Variants in ICAM5 observed in about 807,000 individuals in gnomAD.
ICAM5 encodes the protein intercellular adhesion molecule 5.
Under a neutral mutation model 78.8 loss-of-function variants are expected in ICAM5, and 38 were observed. The observed-to-expected ratio is 0.48, with a 90% CI of 0.37 to 0.63. The LOEUF (loss-of-function observed/expected upper bound fraction) is 0.63, where lower values mean the gene tolerates loss of function less well. Ranked by LOEUF, ICAM5 falls within the 30% of genes least tolerant of loss-of-function variation. The pLI, the probability that ICAM5 is intolerant of heterozygous loss-of-function variation, is 0.00. For missense variants in ICAM5, 1,059 were observed against 1,303.0 expected (o/e 0.81, Z 2.88); for synonymous variants, 544 against 590.9 (o/e 0.92, Z 1.15).
At position 10,291,761 on chromosome 19, in the gene ICAM5, C is replaced by G; in HGVS notation, c.625C>G (p.Leu209Val). The stretch of plus-strand genomic sequence containing the variant: ...CGAGCTGGACCTGCGGCCGCACGGA[C>G]TGGGACTGTTTGAAAACAGCTCGGC... The part of the protein sequence containing the change: ...RAELDLRPHG[L>V]GLFENSSAPR... The change falls in exon 3 of 11, where the codon CTG (leucine) becomes GTG (valine). Residue 209 changes from leucine to valine, a missense_variant. By Grantham distance (32) the Leu-to-Val change is conservative. Around this residue, in one of 3 missense-constraint regions of ICAM5, gnomAD observed 815 missense variants for 952.8 expected, o/e 0.86. Transcript: ENST00000221980. The G allele has an allele frequency of 6.2e-7, 1 of 1,612,580 alleles. No homozygotes were observed. Among genetic ancestry groups the G allele is most frequent in the Middle Eastern group, 1.7e-4 (1 of 6,056 alleles).
chr19:10,291,704 G>C lies in ICAM5; in HGVS notation c.568G>C (p.Glu190Gln). Residue 190 changes from glutamate (E) to glutamine (Q), a missense_variant, in exon 3 of 11, where the codon GAG becomes CAG. By Grantham distance (29) the Glu-to-Gln change is conservative (BLOSUM62 2). This residue lies in a region of ICAM5 where 815 missense variants were observed against 952.8 expected (regional missense o/e 0.86). Coordinates refer to ENST00000221980, the MANE Select transcript of ICAM5 (RefSeq NM_003259.4). Reference sequence around the variant, plus strand: ...CACAGCCACGGTACTGGCTCGGAGGGAGGACCATGGAGCCAATTTCTCGTG... The same window carrying C: ...CACAGCCACGGTACTGGCTCGGAGGCAGGACCATGGAGCCAATTTCTCGTG... ...VLTATVLARR[E>Q]DHGANFSCRA... 1.2e-6 allele frequency: 2 copies of C among 1,612,678 alleles called. No individual in the cohort carries two copies. The highest frequency in any genetic ancestry group is 1.7e-6 in the Non-Finnish European group (2 of 1,179,976).
Position 10,295,434 on chromosome 19 carries a change from C to G in ICAM5, c.2319C>G (p.Ala773=), listed in dbSNP as rs576101932. ...GNFTLTCRAE[A]WPPAQISWRA... is the part of the protein sequence containing the mutation. Reference sequence around the variant, plus strand: ...TCACGTTGACCTGCCGCGCGGAGGCCTGGCCTCCAGCCCAGATCAGCTGGC... The same window carrying G: ...TCACGTTGACCTGCCGCGCGGAGGCGTGGCCTCCAGCCCAGATCAGCTGGC... The change falls in exon 10 of 11, where the codon GCC becomes GCG. Residue 773 remains alanine (A), a synonymous_variant. Transcript: ENST00000221980. The G allele has an allele frequency of 1.1e-4, 177 of 1,608,634 alleles. 2 individuals are homozygous for G. Among genetic ancestry groups the G allele is most frequent in the South Asian group, 9.7e-4 (88 of 90,854 alleles).
intron 4 of ICAM5, 120 bp downstream of exon 4, chr19:10,292,442 TG>T (rs978543006): frequency 8.2e-6 from 11 of 1,337,942 alleles, no homozygotes; most frequent in African/African-American, 1.5e-5. Flanking sequence ...GCGGGGCAGG[TG>T]GGGGCGGAGA....
chr19:10,292,499 C>A, intron 4 of ICAM5, 113 bp from the exon 5 acceptor site: 2 of 1,423,562 alleles, frequency 1.4e-6, no homozygotes, highest in Non-Finnish European at 1.9e-6. Flanking sequence ...AGAGGCGGGG[C>A]GCCGTACCCT....
At chr19:10,292,433 C>A in intron 4 of ICAM5, 111 bp downstream of exon 4, 1 of 1,270,770 alleles carries the variant, frequency 7.9e-7, no homozygotes, top group Non-Finnish European at 1.1e-6. Flanking sequence ...GCCCGAGGGG[C>A]GGGGCAGGTG....
In ICAM5 at chr19:10,296,674, A is replaced by T; in HGVS notation, c.*58A>T. 2 of 1,179,400 alleles carry T rather than the reference A, an allele frequency of 1.7e-6. No individual in the cohort carries two copies. The highest frequency in any genetic ancestry group is 2.1e-6 in the Non-Finnish European group (2 of 950,266). 73.1% of individuals were successfully genotyped at this position (1,179,400 alleles called of 1,614,324 possible). On this transcript the variant is annotated 3_prime_UTR_variant, in exon 11 of 11. Transcript: ENST00000221980. ...GCCCCCCAGACTCACACGGGGGCTT[A>T]TTTATTGCTTTATTTATTTACTTAT...
In ICAM5 at chr19:10,294,002, C is replaced by T. The variant is rs1404251349; in HGVS notation, c.1712-38C>T. ...TGTGGGACAACCCCGGCTGGACTTC[C>T]TGGCCCCCGTGTGAGCCCCTGCAAT... On this transcript the variant is annotated intron_variant, in intron 7 of 10. Coordinates refer to ENST00000221980, the MANE Select transcript of ICAM5 (RefSeq NM_003259.4). The surrounding 1 kb of genome is among the most constrained non-coding windows in gnomAD (Gnocchi z 7.7). The T allele has an allele frequency of 6.3e-7, 1 of 1,593,084 alleles. No individual in the cohort carries two copies. The highest frequency in any genetic ancestry group is 1.7e-5 in the Admixed American group (1 of 58,934).
chr19:10,291,172 G>A lies in ICAM5; in HGVS notation c.183G>A (p.Arg61=). 1 of 1,612,286 alleles carries A rather than the reference G, an allele frequency of 6.2e-7. No individual in the cohort carries two copies. The change falls in exon 2 of 11, where the codon CGG becomes CGA. Residue 61 remains arginine (R), a synonymous_variant. Coordinates refer to ENST00000221980, the MANE Select transcript of ICAM5 (RefSeq NM_003259.4). ...TGAATTGCAGCACCAACTGCCCTCG[G>A]CCGGAGCGCGGTGGCCTGGAGACCT... ...LWLNCSTNCP[R]PERGGLETSL... is the part of the protein sequence containing the mutation.
At chr19:10,296,278 G>A (rs1851350449) in intron 10 of ICAM5, 61 bp from the exon 11 acceptor site, 4 of 1,222,996 alleles carry the variant, frequency 3.3e-6, no homozygotes, top group East Asian at 3.2e-5. Context: ...GGGAGTGCGG[G>A]GGGCGGTGGG....
In ICAM5 at chr19:10,289,963, G is replaced by C; in HGVS notation, c.-81G>C. 1 of 925,328 alleles carries C rather than the reference G, an allele frequency of 1.1e-6. No homozygotes were observed. The highest frequency in any genetic ancestry group is 1.8e-5 in the South Asian group (1 of 55,374). 57.3% of individuals were successfully genotyped at this position (925,328 alleles called of 1,614,324 possible). A position where few individuals can be genotyped will look rare whatever the true frequency, so the allele number is the denominator to read the frequency against. On this transcript the variant is annotated 5_prime_UTR_variant, in exon 1 of 11. Transcript: ENST00000221980. ...ACTCTGCCTCCCCCACACCCCACCC[G>C]CCGCGCCGCGCGGAGCCGTCCTCTA... is the stretch of plus-strand genomic sequence containing the variant.
rs771249059 is a variant in ICAM5, at chr19:10,293,691, C to T, written c.1466-7C>T. 3.1e-6 allele frequency: 5 copies of T among 1,611,934 alleles called. No individual in the cohort carries two copies. The highest frequency in any genetic ancestry group is 4.2e-6 in the Non-Finnish European group (5 of 1,178,668). ...CCCCAAAGCCAACAATACACTCCCT[C>T]CTCCAGACGCACCAGCGCTGGACAG... On this transcript the variant is annotated splice_polypyrimidine_tract_variant and splice_region_variant and intron_variant, in intron 6 of 10. Coordinates refer to ENST00000221980, the MANE Select transcript of ICAM5 (RefSeq NM_003259.4). This position sits in a 1 kb window ranked among gnomAD's most constrained non-coding sequence, Gnocchi z 5.0.
intron 3 of ICAM5, 41 bp downstream of exon 3, chr19:10,291,850 G>C (rs2040175942): frequency 6.3e-7 from 1 of 1,584,840 alleles, no homozygotes; most frequent in Non-Finnish European, 8.6e-7. Context: ...CAGTGGGGTC[G>C]GTCGGTGTTT....
chr19:10,291,618 C>A lies in ICAM5; in HGVS notation c.482C>A (p.Ala161Asp). Residue 161 changes from alanine to aspartate, a missense_variant, in exon 3 of 11, where the codon GCC (alanine) becomes GAC (aspartate). By Grantham distance (126) the Ala-to-Asp change is moderately radical. Around this residue, in one of 3 missense-constraint regions of ICAM5, gnomAD observed 815 missense variants for 952.8 expected, o/e 0.86. Coordinates refer to ENST00000221980, the MANE Select transcript of ICAM5 (RefSeq NM_003259.4). ...ASLTLTLLRGAQELIRRSFAG... is the reference protein window; with the variant it reads ...ASLTLTLLRGDQELIRRSFAG... The stretch of plus-strand genomic sequence containing the variant: ...CTCACGCTGACCCTGCTGCGGGGCG[C>A]CCAGGAGCTGATCCGCCGCAGCTTC... 1 of 1,611,742 alleles carries A rather than the reference C, an allele frequency of 6.2e-7. No homozygotes were observed. The highest frequency in any genetic ancestry group is 8.5e-7 in the Non-Finnish European group (1 of 1,179,500).
In ICAM5 at chr19:10,294,850, G is replaced by A. The variant is rs1599281782; in HGVS notation, c.2230+210G>A. On this transcript the variant is annotated intron_variant, in intron 9 of 10. Coordinates refer to ENST00000221980, the MANE Select transcript of ICAM5 (RefSeq NM_003259.4). This position sits in a 1 kb window ranked among gnomAD's most constrained non-coding sequence, Gnocchi z 7.7. ...GAAGGTTGAGGCGGATGAATCACTT[G>A]AGGCCAGGAGTTCGAGACCAGCCCG... 1.3e-5 allele frequency among the ~76,000 whole-genome samples: 2 copies of A among 152,176 alleles called. No homozygotes were observed. Among genetic ancestry groups the A allele is most frequent in the South Asian group, 4.1e-4 (2 of 4,834 alleles).
rs1193300341 is a variant in ICAM5, at chr19:10,290,146, C to T, written c.82+21C>T. The T allele has an allele frequency of 2.0e-6, 3 of 1,489,056 alleles. No individual in the cohort carries two copies. The highest frequency in any genetic ancestry group is 2.9e-5 in the African/African-American group (2 of 69,916). 92.2% of individuals were successfully genotyped at this position (1,489,056 alleles called of 1,614,324 possible). A position where few individuals can be genotyped will look rare whatever the true frequency, so the allele number is the denominator to read the frequency against. ...CTCAGGTAAGAGCCCCGCTCTGGTT[C>T]GGGGTGGACAGGGCGGGGGCGGAGT... On this transcript the variant is annotated intron_variant, in intron 1 of 10. Coordinates refer to ENST00000221980, the MANE Select transcript of ICAM5 (RefSeq NM_003259.4). This position sits in a 1 kb window ranked among gnomAD's most constrained non-coding sequence, Gnocchi z 5.7.
In ICAM5 at chr19:10,290,810, C is replaced by G. The variant is rs936124589; in HGVS notation, c.83-262C>G. On this transcript the variant is annotated intron_variant, in intron 1 of 10. Coordinates refer to ENST00000221980, the MANE Select transcript of ICAM5 (RefSeq NM_003259.4). The surrounding 1 kb of genome is among the most constrained non-coding windows in gnomAD (Gnocchi z 5.7). Reference sequence around the variant, plus strand: ...ACCTTTCCTCTCCTCTACGCCCTCCCCCCATGCTTTCCCGCCGCTCCATCG... The same window carrying G: ...ACCTTTCCTCTCCTCTACGCCCTCCGCCCATGCTTTCCCGCCGCTCCATCG... 1.7e-6 allele frequency: 1 copy of G among 576,040 alleles called. No individual in the cohort carries two copies. The highest frequency in any genetic ancestry group is 1.9e-5 in the African/African-American group (1 of 53,262). The allele number at this position is 576,040 out of a possible 1,614,324, so 35.7% of individuals were successfully genotyped here. A position where few individuals can be genotyped will look rare whatever the true frequency, so the allele number is the denominator to read the frequency against.
chr19:10,294,651 G>A lies in ICAM5; in HGVS notation c.2230+11G>A, dbSNP rs771883744. ...CTGTGGGCGTGGAATGTGAGTGGGG[G>A]CAGCACCGGATGGAGGGGACACGGT... On this transcript the variant is annotated intron_variant, in intron 9 of 10. Coordinates refer to ENST00000221980, the MANE Select transcript of ICAM5 (RefSeq NM_003259.4). This position sits in a 1 kb window ranked among gnomAD's most constrained non-coding sequence, Gnocchi z 7.7. The A allele has an allele frequency of 4.3e-6, 7 of 1,612,568 alleles. No homozygotes were observed. Among genetic ancestry groups the A allele is most frequent in the Non-Finnish European group, 5.9e-6 (7 of 1,179,786 alleles).
In ICAM5 at chr19:10,294,018, C is replaced by A. The variant is rs962376378; in HGVS notation, c.1712-22C>A. On this transcript the variant is annotated intron_variant, in intron 7 of 10. Transcript: ENST00000221980. This position sits in a 1 kb window ranked among gnomAD's most constrained non-coding sequence, Gnocchi z 7.7. ...CTGGACTTCCTGGCCCCCGTGTGAG[C>A]CCCTGCAATCCTGTTTCCCAGATGG... 6.3e-7 allele frequency: 1 copy of A among 1,584,056 alleles called. No homozygotes were observed. Among genetic ancestry groups the A allele is most frequent in the Non-Finnish European group, 8.6e-7 (1 of 1,162,614 alleles).
intron 3 of ICAM5, 76 bp downstream of exon 3, chr19:10,291,885 T>C (rs2145028061): frequency 6.6e-7 from 1 of 1,521,722 alleles, no homozygotes. Context: ...TAGATACATC[T>C]GAATGCTGAC....
Sources: gnomAD v4.1 joint callset for allele counts (sites outside exome capture counted in the v4.1 genomes callset) on GRCh38, gnomAD v4.1.1 for gene constraint, gnomAD v4.1.1 regional missense constraint, Gnocchi (gnomAD v3.1) non-coding constraint, MANE v1.5 for transcripts, NCBI Gene and HGNC (gene_info 2026-07-23, HGNC 2026-07-21) for gene names.